The following SCARA3 variants were observed in gnomAD, a reference collection of about 807,000 sequenced individuals.
SCARA3 encodes the protein scavenger receptor class A member 3.
SCARA3 carries 39 observed loss-of-function variants against 47.0 expected under a neutral mutation model. That is an observed-to-expected ratio of 0.83 (90% CI 0.64 to 1.08). The LOEUF (loss-of-function observed/expected upper bound fraction) is 1.08, where lower values mean the gene tolerates loss of function less well. Among genes scored for constraint, SCARA3 ranks in the 50% least tolerant of loss-of-function variants. SCARA3 has a pLI of 0.00. For synonymous variants in SCARA3, 356 were observed against 334.1 expected (o/e 1.07, Z -0.71); for missense variants, 724 against 792.3 (o/e 0.91, Z 1.04).
Position 27,672,458 on chromosome 8 carries a change from G to T in SCARA3, c.*1107G>T. 1.0e-6 allele frequency: 1 copy of T among 985,674 alleles called. No individual in the cohort carries two copies. The highest frequency in any genetic ancestry group is 1.2e-6 in the Non-Finnish European group (1 of 830,118). The allele number at this position is 985,674 out of a possible 1,614,324, so 61.1% of individuals were successfully genotyped here. A position where few individuals can be genotyped will look rare whatever the true frequency, so the allele number is the denominator to read the frequency against. On this transcript the variant is annotated 3_prime_UTR_variant, in exon 6 of 6. Transcript: ENST00000301904. ...TTCCCCAAGGGGGCTCCTCTGGAGT[G>T]GTGGGGAGGATTAGGCTGCAGAAGG...
intron 1 of SCARA3, among the ~76,000 whole-genome samples, chr8:27,638,405 G>A (rs1367636810): frequency 6.6e-6 from 1 of 151,572 alleles, no homozygotes; most frequent in East Asian, 1.9e-4. Context: ...TTATCACTGG[G>A]ATGAAGTCCC....
At chr8:27,651,652 G>A (rs565205118) in intron 3 of SCARA3, 25 bp downstream of exon 3, 19 of 1,611,614 alleles carry the variant, frequency 1.2e-5, no homozygotes, top group African/African-American at 5.3e-5. Flanking sequence ...TTCCCACCCC[G>A]GGCTGCAGGG....
intron 5 of SCARA3, among the ~76,000 whole-genome samples, chr8:27,660,675 A>G (rs568748061): frequency 1.4e-5 from 2 of 139,916 alleles, no homozygotes; most frequent in African/African-American, 5.1e-5. Flanking sequence ...AACAGAATCA[A>G]TAGTGTAGAG....
chr8:27,684,751 G>T, the SCARA3 span, among the ~76,000 whole-genome samples: 1 of 151,844 alleles, frequency 6.6e-6, no homozygotes, highest in Admixed American at 6.6e-5. Context: ...AAGTTTGGCC[G>T]GATGCAATAT....
chr8:27,660,618 T>TAGATAGATAGATAGATAGATA (rs1554539818), intron 5 of SCARA3, among the ~76,000 whole-genome samples: 1 of 130,882 alleles, frequency 7.6e-6, no homozygotes, highest in Non-Finnish European at 1.7e-5. Context: ...TAGAGATAGA[T>TAGATAGATAGATAGATAGATA]GATAGATAGA....
chr8:27,719,467 A>G, the SCARA3 span, among the ~76,000 whole-genome samples: 3 of 151,988 alleles, frequency 2.0e-5, no homozygotes, highest in African/African-American at 7.3e-5. Flanking sequence ...TAATCTGTAC[A>G]ACAAACTTCT....
chr8:27,669,987 G>A (rs774215573), intron 5 of SCARA3, among the ~76,000 whole-genome samples: 4 of 151,606 alleles, frequency 2.6e-5, no homozygotes, highest in Non-Finnish European at 4.4e-5. Flanking sequence ...AGCTATGAGG[G>A]GTGGAGACTC....
chr8:27,647,397 G>A (rs525765), intron 1 of SCARA3, among the ~76,000 whole-genome samples: 27,981 of 152,154 alleles, frequency 0.18, 3,147 homozygotes, highest in Middle Eastern at 0.33. Context: ...TGTCGCCCCA[G>A]ATTAATTCAA....
At chr8:27,688,399 C>CAAAA in the SCARA3 span, among the ~76,000 whole-genome samples, 1 of 138,682 alleles carries the variant, frequency 7.2e-6, no homozygotes, top group African/African-American at 2.6e-5. Flanking sequence ...TTGATATTGG[C>CAAAA]AAAAAAAAAA....
At chr8:27,635,381 A>G (rs1009002550) in intron 1 of SCARA3, among the ~76,000 whole-genome samples, 1 of 152,158 alleles carries the variant, frequency 6.6e-6, no homozygotes, top group Non-Finnish European at 1.5e-5. Flanking sequence ...AACCAGTGCC[A>G]TCCTACAAGG....
downstream of SCARA3, chr8:27,676,823 C>G (rs73231063): frequency 0.077 from 30,450 of 396,462 alleles, 1,415 homozygotes; most frequent in East Asian, 0.22. Flanking sequence ...AATATTTGGA[C>G]ACCACTGCTC....
At chr8:27,639,294 C>T (rs990332897) in intron 1 of SCARA3, among the ~76,000 whole-genome samples, 2 of 152,136 alleles carry the variant, frequency 1.3e-5, no homozygotes, top group African/African-American at 2.4e-5. Flanking sequence ...ACACCTGAGA[C>T]GAGAACCGAA....
Position 27,658,967 on chromosome 8 carries a change from G to C in SCARA3, c.797G>C (p.Arg266Pro), listed in dbSNP as rs201628257. ...TACACACGGCTCTTCAGCGGCCTGC[G>C]CACCACCTCCACCAAGACTGGAGAG... ...QNYTRLFSGL[R>P]TTSTKTGEAV... Residue 266 changes from arginine to proline, a missense_variant, in exon 5 of 6, where the codon CGC becomes CCC. Coordinates refer to ENST00000301904, the MANE Select transcript of SCARA3 (RefSeq NM_016240.3). 6 of 1,613,910 alleles carry C rather than the reference G, an allele frequency of 3.7e-6. No homozygotes were observed. In the African/African-American group the frequency reaches 8.0e-5, roughly 22 times the overall value.
chr8:27,702,448 T>C, the SCARA3 span: 1 of 152,364 alleles, frequency 6.6e-6, no homozygotes, highest in South Asian at 2.1e-4. Context: ...GAAAGTGCCT[T>C]TATGTCAACA....
the SCARA3 span, among the ~76,000 whole-genome samples, chr8:27,725,798 C>T: frequency 6.6e-6 from 1 of 152,128 alleles, no homozygotes; most frequent in Non-Finnish European, 1.5e-5. Context: ...TGTCAGAAGC[C>T]ATCCTCTGTC....
intron 5 of SCARA3, 79 bp downstream of exon 5, chr8:27,659,618 GT>G: frequency 2.3e-6 from 3 of 1,289,976 alleles, no homozygotes; most frequent in Non-Finnish European, 2.1e-6. Flanking sequence ...GAAGTACCTG[GT>G]TTTAGGCAAA....
rs1467932879 is a variant in SCARA3 at position 27,671,805 on chromosome 8, A to G, written c.*454A>G. The G allele has an allele frequency of 5.1e-6, 5 of 988,622 alleles. No individual in the cohort carries two copies. The African/African-American group carries it at 7.0e-5, about 14-fold the overall frequency. 61.2% of individuals were successfully genotyped at this position (988,622 alleles called of 1,614,324 possible). A position where few individuals can be genotyped will look rare whatever the true frequency, so the allele number is the denominator to read the frequency against. ...GCACTGCACACATATCCATGCACACAAACACATATATACACATGCACATAC... is the reference window on the plus strand; with the variant it reads ...GCACTGCACACATATCCATGCACACGAACACATATATACACATGCACATAC... On this transcript the variant is annotated 3_prime_UTR_variant, in exon 6 of 6. Coordinates refer to ENST00000301904, the MANE Select transcript of SCARA3 (RefSeq NM_016240.3).
At chr8:27,710,915 A>AT in the SCARA3 span, among the ~76,000 whole-genome samples, 1,508 of 96,664 alleles carry the variant, frequency 0.016, 30 homozygotes, top group African/African-American at 0.032. Context: ...CTCATAGGTG[A>AT]TTTTTTTTTT....
the SCARA3 span, among the ~76,000 whole-genome samples, chr8:27,683,611 C>T: frequency 6.6e-6 from 1 of 151,984 alleles, no homozygotes; most frequent in Admixed American, 6.6e-5. Context: ...AGGTAAACAC[C>T]CATCTACCAG....
Sources: gnomAD v4.1 joint callset for allele counts (sites outside exome capture counted in the v4.1 genomes callset) on GRCh38, gnomAD v4.1.1 for gene constraint, MANE v1.5 for transcripts, NCBI Gene and HGNC (gene_info 2026-07-23, HGNC 2026-07-21) for gene names.